Variants in CDK13 observed in about 807,000 individuals in gnomAD.
The protein encoded by CDK13 is cyclin-dependent kinase 13.
CDK13 carries 40 observed loss-of-function variants against 137.6 expected under a neutral mutation model. That is an observed-to-expected ratio of 0.29 (90% CI 0.23 to 0.38). CDK13 has a LOEUF of 0.38. CDK13 is among the 10% of genes least tolerant of loss of function. The pLI is 1.00. For missense variants in CDK13, 1,704 were observed against 1,951.8 expected (o/e 0.87, Z 2.39); for synonymous variants, 869 against 760.1 (o/e 1.14, Z -2.36).
intron 1 of CDK13, among the ~76,000 whole-genome samples, chr7:39,982,795 C>G (rs980526839): frequency 6.6e-6 from 1 of 152,164 alleles, no homozygotes; most frequent in African/African-American, 2.4e-5. Flanking sequence ...CATGTGTCTT[C>G]TGGCTGCATA....
chr7:40,005,919 C>G (rs2116345545), intron 5 of CDK13, among the ~76,000 whole-genome samples: 1 of 152,066 alleles, frequency 6.6e-6, no homozygotes, highest in Admixed American at 6.5e-5. Context: ...AGAGATGAGG[C>G]TTGTCATGTT....
At chr7:40,076,781 G>C (rs41350846) in intron 9 of CDK13, among the ~76,000 whole-genome samples, 16,648 of 152,170 alleles carry the variant, frequency 0.11, 1,057 homozygotes, top group Middle Eastern at 0.16. Context: ...CTGGCAACTT[G>C]AGCCATTACT....
intron 1 of CDK13, among the ~76,000 whole-genome samples, chr7:39,962,357 G>C (rs1783765734): frequency 6.6e-6 from 1 of 152,120 alleles, no homozygotes; most frequent in Non-Finnish European, 1.5e-5. Flanking sequence ...ATCTCATTGA[G>C]GTTTTGATTT....
intron 1 of CDK13, among the ~76,000 whole-genome samples, chr7:39,966,343 C>T (rs974327016): frequency 6.6e-6 from 1 of 152,122 alleles, no homozygotes; most frequent in African/African-American, 2.4e-5. Flanking sequence ...TTCTAAACTT[C>T]TCTTCTTGCT....
At chr7:40,040,316 A>C (rs937703084) in intron 5 of CDK13, among the ~76,000 whole-genome samples, 7 of 152,236 alleles carry the variant, frequency 4.6e-5, no homozygotes, top group African/African-American at 1.7e-4. Flanking sequence ...CACTGAATTG[A>C]TATGCCATCT....
intron 5 of CDK13, among the ~76,000 whole-genome samples, chr7:40,025,059 G>T (rs1785216127): frequency 6.6e-6 from 1 of 152,028 alleles, no homozygotes; most frequent in Non-Finnish European, 1.5e-5. Flanking sequence ...CTATTCACTA[G>T]GTATCTCAAT....
chr7:40,092,079 C>T (rs937302822), intron 12 of CDK13, among the ~76,000 whole-genome samples: 1 of 151,178 alleles, frequency 6.6e-6, no homozygotes, highest in African/African-American at 2.4e-5. Flanking sequence ...AAGCATATTT[C>T]TGTAGGCATT....
At chr7:40,048,154 C>A in intron 7 of CDK13, 1 of 260,080 alleles carries the variant, frequency 3.8e-6, no homozygotes. Flanking sequence ...ATTTCTAATA[C>A]GTATTCAGAT....
chr7:40,017,170 T>C (rs1396758349), intron 5 of CDK13, among the ~76,000 whole-genome samples: 3 of 152,164 alleles, frequency 2.0e-5, no homozygotes, highest in Admixed American at 6.6e-5. Flanking sequence ...TTCTATAATT[T>C]GGATATATTT....
intron 3 of CDK13, 119 bp from the exon 4 acceptor site, chr7:39,999,242 C>A: frequency 1.3e-6 from 1 of 760,186 alleles, no homozygotes; most frequent in Non-Finnish European, 2.0e-6. Context: ...ATGATAAATA[C>A]TGCAAGGGTA....
chr7:39,971,409 C>T lies in CDK13; in HGVS notation c.1212-16190C>T, dbSNP rs533949135. ...ATGTGCACCTGTAATCCCAGCTACT[C>T]GGAAGGCTGAAGTAGGAGAATCACT... is the stretch of plus-strand genomic sequence containing the variant. On this transcript the variant is annotated intron_variant, in intron 1 of 13. Transcript: ENST00000181839. 8.6e-5 allele frequency among the ~76,000 whole-genome samples: 13 copies of T among 152,026 alleles called. No individual in the cohort carries two copies. The East Asian group carries it at 1.6e-3, about 18-fold the overall frequency.
At chr7:40,087,182 C>T (rs1407682589) in intron 11 of CDK13, among the ~76,000 whole-genome samples, 3 of 152,030 alleles carry the variant, frequency 2.0e-5, no homozygotes, top group Non-Finnish European at 4.4e-5. Flanking sequence ...CTGGTTCTGT[C>T]GCCTAGGCTG....
In CDK13 at chr7:39,950,343, G is replaced by T; in HGVS notation, c.-299G>T. On this transcript the variant is annotated 5_prime_UTR_variant, in exon 1 of 14. Coordinates refer to ENST00000181839, the MANE Select transcript of CDK13 (RefSeq NM_003718.5). ...CACTTGGAGGACTCGGGACTCCCCC[G>T]CAGGTCAGCGCCCGGCGCATCTGGT... 8.6e-7 allele frequency: 1 copy of T among 1,165,916 alleles called. No individual in the cohort carries two copies. Among genetic ancestry groups the T allele is most frequent in the Non-Finnish European group, 1.1e-6 (1 of 946,182 alleles). The allele number at this position is 1,165,916 out of a possible 1,614,324, so 72.2% of individuals were successfully genotyped here. A position where few individuals can be genotyped will look rare whatever the true frequency, so the allele number is the denominator to read the frequency against.
At chr7:40,045,016 A>C (rs1785704386) in intron 5 of CDK13, among the ~76,000 whole-genome samples, 1 of 152,114 alleles carries the variant, frequency 6.6e-6, no homozygotes, top group African/African-American at 2.4e-5. Flanking sequence ...TACCATAATA[A>C]ACTTTTAAGA....
intron 5 of CDK13, 24 bp downstream of exon 5, chr7:40,002,055 G>A (rs568358047): frequency 3.1e-5 from 48 of 1,527,728 alleles, no homozygotes; most frequent in South Asian, 3.8e-5. Flanking sequence ...TTTAAATAAC[G>A]AATTTTTTGT....
chr7:40,036,925 C>T (rs955997452), intron 5 of CDK13, among the ~76,000 whole-genome samples: 1 of 152,118 alleles, frequency 6.6e-6, no homozygotes, highest in African/African-American at 2.4e-5. Context: ...TTTTTTATAG[C>T]TGCTTTGTTT....
intron 2 of CDK13, among the ~76,000 whole-genome samples, chr7:39,996,695 A>G (rs1415115662): frequency 1.3e-5 from 2 of 152,118 alleles, no homozygotes; most frequent in Admixed American, 6.6e-5. Context: ...ACCAGAATCA[A>G]ACTAAATGCT....
At position 40,053,628 on chromosome 7, in the gene CDK13, C is replaced by T. The variant is rs1054808482; in HGVS notation, c.2600+5751C>T. On this transcript the variant is annotated intron_variant, in intron 7 of 13. Coordinates refer to ENST00000181839, the MANE Select transcript of CDK13 (RefSeq NM_003718.5). ...TTTCAGTGTGCAATTCAGGCCCTAC[C>T]GCCTTTGAAATCTGTCCTGAATCCC... Among the ~76,000 whole-genome samples, 7 of 152,178 alleles carry T rather than the reference C, an allele frequency of 4.6e-5. No individual in the cohort carries two copies. The South Asian group carries it at 6.2e-4, about 14-fold the overall frequency.
intron 5 of CDK13, among the ~76,000 whole-genome samples, chr7:40,032,535 T>G (rs1257697): frequency 3.9e-5 from 6 of 152,374 alleles, no homozygotes; most frequent in East Asian, 1.9e-4. Flanking sequence ...ACTCAAGTCT[T>G]TGATCCATTT....
Sources: gnomAD v4.1 joint callset for allele counts (sites outside exome capture counted in the v4.1 genomes callset) on GRCh38, gnomAD v4.1.1 for gene constraint, MANE v1.5 for transcripts, NCBI Gene and HGNC (gene_info 2026-07-23, HGNC 2026-07-21) for gene names.